Variants in SMIM13 observed in about 807,000 individuals in gnomAD.
SMIM13 encodes UPF0766 protein C6orf228.
Under a neutral mutation model 5.9 loss-of-function variants are expected in SMIM13, and 3 were observed. The ratio of observed to expected loss-of-function variants is 0.51; its 90% CI spans 0.23 to 1.31. The LOEUF (loss-of-function observed/expected upper bound fraction) is 1.31, where lower values mean the gene tolerates loss of function less well. Among genes scored for constraint, SMIM13 ranks in the 40% most tolerant of loss-of-function variants. The probability of loss-of-function intolerance (pLI) is 0.18; values close to 1 mark genes in which losing one functional copy is unlikely to be tolerated. For synonymous variants in SMIM13, 55 were observed against 46.0 expected (o/e 1.19, Z -0.79); for missense variants, 85 against 109.9 (o/e 0.77, Z 1.01).
intron 1 of SMIM13, among the ~76,000 whole-genome samples, chr6:11,097,346 ATTACCTCTTTAAAAATCT>A (rs1386667883): frequency 8.5e-5 from 13 of 152,144 alleles, no homozygotes; most frequent in Admixed American, 2.6e-4. Context: ...TTTAACCTTA[ATTACCTCTTTAAAAATCT>A]TTATCTGCAG....
intron 1 of SMIM13, chr6:11,105,021 T>A (rs1758063588): frequency 1.2e-6 from 2 of 1,614,220 alleles, no homozygotes; most frequent in Non-Finnish European, 1.7e-6. Flanking sequence ...GAAATCTTGC[T>A]TTACTGTTGA....
intron 1 of SMIM13, among the ~76,000 whole-genome samples, chr6:11,113,029 C>T (rs1758190496): frequency 6.6e-6 from 1 of 152,058 alleles, no homozygotes; most frequent in Admixed American, 6.6e-5. Context: ...CGGGGTTTCA[C>T]CATGTTGGCC....
Position 11,134,709 on chromosome 6 carries a change from C to A in SMIM13, c.*107C>A, listed in dbSNP as rs774924215. On this transcript the variant is annotated 3_prime_UTR_variant, in exon 2 of 2. Transcript: ENST00000416247. ...AGAACATTTGTATTGGATTTTAAGTCGAATTTTAAAAAAGATTTACATGTA... is the reference window on the plus strand; with the variant it reads ...AGAACATTTGTATTGGATTTTAAGTAGAATTTTAAAAAAGATTTACATGTA... 1.5e-5 allele frequency: 13 copies of A among 885,018 alleles called. No homozygotes were observed. The highest frequency in any genetic ancestry group is 1.2e-4 in the South Asian group (3 of 24,296). The allele number at this position is 885,018 out of a possible 1,614,324, so 54.8% of individuals were successfully genotyped here.
At chr6:11,117,514 T>C (rs1181692132) in intron 1 of SMIM13, among the ~76,000 whole-genome samples, 3 of 152,064 alleles carry the variant, frequency 2.0e-5, no homozygotes, top group Non-Finnish European at 4.4e-5. Context: ...TTTTGACGTT[T>C]AAATTTTTAT....
chr6:11,105,989 G>GT (rs2113645360), intron 1 of SMIM13, among the ~76,000 whole-genome samples: 1 of 152,298 alleles, frequency 6.6e-6, no homozygotes, highest in African/African-American at 2.4e-5. Flanking sequence ...TGGCTGTGCT[G>GT]TTTCCTGGCA....
chr6:11,126,951 G>A (rs1758385361), intron 1 of SMIM13, among the ~76,000 whole-genome samples: 1 of 152,198 alleles, frequency 6.6e-6, no homozygotes, highest in South Asian at 2.1e-4. Flanking sequence ...TTAGCAAGCA[G>A]AAACTCTTGT....
At chr6:11,112,127 C>T (rs987636281) in intron 1 of SMIM13, among the ~76,000 whole-genome samples, 6 of 152,236 alleles carry the variant, frequency 3.9e-5, no homozygotes, top group South Asian at 2.1e-4. Flanking sequence ...GTGTAACAAC[C>T]GCCTGATCAT....
In SMIM13 at chr6:11,129,942, G is replaced by A. The variant is rs377507063; in HGVS notation, c.77-4461G>A. Among the ~76,000 whole-genome samples, 147 of 152,080 alleles carry A rather than the reference G, an allele frequency of 9.7e-4. 1 individual carries two copies. The highest frequency in any genetic ancestry group is 3.4e-3 in the Middle Eastern group (1 of 294). ...CCTCAAAACAGATGTGTCATGTGTC[G>A]TTTTCCCATTGAGACTACCTGGCAT... On this transcript the variant is annotated intron_variant, in intron 1 of 1. Transcript: ENST00000416247.
At chr6:11,099,182 CT>C (rs145722171) in intron 1 of SMIM13, among the ~76,000 whole-genome samples, 97 of 147,648 alleles carry the variant, frequency 6.6e-4, no homozygotes, top group East Asian at 7.9e-4. Flanking sequence ...ATGCATCAGA[CT>C]TTTTTTTTTT....
intron 1 of SMIM13, among the ~76,000 whole-genome samples, chr6:11,100,842 A>G (rs967815476): frequency 2.0e-4 from 30 of 152,082 alleles, no homozygotes; most frequent in Non-Finnish European, 4.1e-4. Flanking sequence ...CCTTGTCATT[A>G]TACATGACTT....
intron 1 of SMIM13, among the ~76,000 whole-genome samples, chr6:11,125,671 G>A (rs4711181): frequency 0.034 from 5,130 of 152,208 alleles, 201 homozygotes; most frequent in East Asian, 0.12. Flanking sequence ...GACCTGTAAG[G>A]TTTCCACTGA....
rs1249790297 is a variant in SMIM13, at chr6:11,135,969, A to G, written c.*1367A>G. On this transcript the variant is annotated 3_prime_UTR_variant, in exon 2 of 2. Coordinates refer to ENST00000416247, the MANE Select transcript of SMIM13 (RefSeq NM_001135575.2). ...TAGCAGTTATTTATTGGGGAATTTG[A>G]TTCTGACTCTTACAATGTTAAACTT... The G allele has an allele frequency of 6.6e-6, 1 of 151,964 alleles. No individual in the cohort carries two copies. The allele number at this position is 151,964 out of a possible 1,614,324, so 9.4% of individuals were successfully genotyped here.
intron 1 of SMIM13, among the ~76,000 whole-genome samples, chr6:11,096,608 G>A (rs9468414): frequency 0.21 from 32,096 of 152,084 alleles, 3,807 homozygotes; most frequent in East Asian, 0.45. Context: ...ATTGGAGTGC[G>A]ATATTAGTTT....
intron 1 of SMIM13, among the ~76,000 whole-genome samples, chr6:11,095,919 C>T (rs1757916971): frequency 1.3e-5 from 2 of 152,102 alleles, no homozygotes; most frequent in African/African-American, 4.8e-5. Flanking sequence ...TTTGAAAATG[C>T]GAGCTACCTG....
chr6:11,127,721 G>C (rs970644649), intron 1 of SMIM13, among the ~76,000 whole-genome samples: 4 of 152,158 alleles, frequency 2.6e-5, no homozygotes, highest in Admixed American at 1.3e-4. Context: ...GGGGGAAACT[G>C]CTCCCCATGA....
At chr6:11,122,037 A>G (rs1047677497) in intron 1 of SMIM13, among the ~76,000 whole-genome samples, 5 of 152,170 alleles carry the variant, frequency 3.3e-5, no homozygotes, top group Non-Finnish European at 7.3e-5. Flanking sequence ...CCCCACTGCT[A>G]ATCTTTTTCT....
At chr6:11,129,758 G>C (rs1046436116) in intron 1 of SMIM13, among the ~76,000 whole-genome samples, 7 of 152,088 alleles carry the variant, frequency 4.6e-5, no homozygotes, top group African/African-American at 1.7e-4. Context: ...TTCAGGTAGT[G>C]TGATGCCTCC....
chr6:11,100,040 C>T (rs1443371173), intron 1 of SMIM13, among the ~76,000 whole-genome samples: 5 of 151,872 alleles, frequency 3.3e-5, no homozygotes, highest in Non-Finnish European at 1.5e-5. Flanking sequence ...TACTTTGGTA[C>T]ATTGTTTTTT....
chr6:11,096,328 G>A (rs34846077), intron 1 of SMIM13, among the ~76,000 whole-genome samples: 32,854 of 152,152 alleles, frequency 0.22, 3,906 homozygotes, highest in African/African-American at 0.31. Flanking sequence ...TGAGAATCTG[G>A]TATGTCGCTG....
Sources: allele counts gnomAD v4.1 joint callset (sites outside exome capture counted in the v4.1 genomes callset), GRCh38; gene constraint gnomAD v4.1.1; transcripts MANE v1.5; gene names NCBI Gene and HGNC (gene_info 2026-07-23, HGNC 2026-07-21).